PRICKLE2: variants seen among roughly 807,000 people sequenced by gnomAD.
PRICKLE2 encodes the protein prickle-like protein 2.
A neutral mutation model predicts 81.4 loss-of-function variants in PRICKLE2; 21 were observed. That is an observed-to-expected ratio of 0.26 (90% CI 0.18 to 0.37). The LOEUF is 0.37. Among genes scored for constraint, PRICKLE2 ranks in the 10% least tolerant of loss-of-function variants. The pLI, the probability that PRICKLE2 is intolerant of heterozygous loss-of-function variation, is 1.00. For missense variants in PRICKLE2, 940 were observed against 1,109.0 expected (o/e 0.85, Z 2.16); for synonymous variants, 456 against 421.5 (o/e 1.08, Z -1.00).
chr3:64,245,688 A>G (rs552729302), intron 2 of PRICKLE2, among the ~76,000 whole-genome samples: 17 of 152,226 alleles, frequency 1.1e-4, no homozygotes, highest in African/African-American at 3.9e-4. Flanking sequence ...TTTTGTACCA[A>G]TGGATGATTC....
At chr3:64,108,669 G>C (rs1031579404) in intron 7 of PRICKLE2, among the ~76,000 whole-genome samples, 2 of 152,130 alleles carry the variant, frequency 1.3e-5, no homozygotes, top group Non-Finnish European at 1.5e-5. Flanking sequence ...ATCCACATTT[G>C]AACGAGATCC....
chr3:64,239,527 G>A (rs563538182), intron 2 of PRICKLE2, among the ~76,000 whole-genome samples: 158 of 152,232 alleles, frequency 1.0e-3, no homozygotes, highest in African/African-American at 2.9e-3. Context: ...CAGACATTCC[G>A]AAGGCCTGTA....
intron 2 of PRICKLE2, among the ~76,000 whole-genome samples, chr3:64,192,641 G>A (rs1391780515): frequency 6.6e-6 from 1 of 152,098 alleles, no homozygotes; most frequent in South Asian, 2.1e-4. Flanking sequence ...CCCTGTCTCT[G>A]GGTAGTACTG....
At chr3:64,186,525 A>C (rs2078235948) in intron 2 of PRICKLE2, among the ~76,000 whole-genome samples, 1 of 152,208 alleles carries the variant, frequency 6.6e-6, no homozygotes, top group Non-Finnish European at 1.5e-5. Flanking sequence ...CTTCCATGAG[A>C]CACTTTCTAC....
chr3:64,249,005 A>G (rs2079401777), intron 2 of PRICKLE2, among the ~76,000 whole-genome samples: 2 of 152,198 alleles, frequency 1.3e-5, no homozygotes, highest in South Asian at 4.1e-4. Context: ...TAAAACTCTG[A>G]CAATCTTTTC....
In PRICKLE2 at chr3:64,098,110, A is replaced by C. The variant is rs1316771050; in HGVS notation, c.*941T>G. ...AGAACATAATGCCACATTCAAAACAACGTCATGCTGACATCACACAATGGC... is the reference window on the plus strand; with the variant it reads ...AGAACATAATGCCACATTCAAAACACCGTCATGCTGACATCACACAATGGC... On this transcript the variant is annotated 3_prime_UTR_variant, in exon 8 of 8. Transcript: ENST00000638394. 6.5e-6 allele frequency: 1 copy of C among 152,672 alleles called. No individual in the cohort carries two copies. The highest frequency in any genetic ancestry group is 2.4e-5 in the African/African-American group (1 of 41,446). The allele number at this position is 152,672 out of a possible 1,614,324, so 9.5% of individuals were successfully genotyped here. A position where few individuals can be genotyped will look rare whatever the true frequency, so the allele number is the denominator to read the frequency against.
chr3:64,199,327 T>C (rs1324889366), intron 1 of PRICKLE2: 1 of 366,748 alleles, frequency 2.7e-6, no homozygotes, highest in Non-Finnish European at 5.0e-6. Context: ...TTGACTGCAA[T>C]AGCAATTAAA....
rs541742157 is a variant in PRICKLE2 at position 64,214,768 on chromosome 3, G to A, written c.-41+10142C>T. 1.3e-5 allele frequency among the ~76,000 whole-genome samples: 2 copies of A among 152,246 alleles called. 1 individual carries two copies. Among genetic ancestry groups the A allele is most frequent in the East Asian group, 3.9e-4 (2 of 5,180 alleles). ...TTTGACAAGGTGCTGGTTGAAGGAT[G>A]TACCCCTCCTCCATCCCAGCCCCCG... On this transcript the variant is annotated intron_variant, in intron 1 of 7. Transcript: ENST00000638394.
At chr3:64,257,784 T>C (rs1032620592) in intron 2 of PRICKLE2, among the ~76,000 whole-genome samples, 2 of 152,162 alleles carry the variant, frequency 1.3e-5, no homozygotes, top group Admixed American at 6.5e-5. Context: ...GGTTTGAATG[T>C]TTGTGTCCTT....
At chr3:64,241,313 G>A (rs2079261963) in intron 2 of PRICKLE2, among the ~76,000 whole-genome samples, 1 of 152,122 alleles carries the variant, frequency 6.6e-6, no homozygotes. Flanking sequence ...CTCTTTTAGT[G>A]GGGACACATT....
In PRICKLE2 at chr3:64,153,103, C is replaced by T; in HGVS notation, c.787+79G>A. The T allele has an allele frequency of 4.5e-6, 6 of 1,341,958 alleles. No individual in the cohort carries two copies. The South Asian group carries it at 7.0e-5, about 16-fold the overall frequency. 83.1% of individuals were successfully genotyped at this position (1,341,958 alleles called of 1,614,324 possible). On this transcript the variant is annotated intron_variant, in intron 6 of 7. Coordinates refer to ENST00000638394, the MANE Select transcript of PRICKLE2 (RefSeq NM_198859.4). ...GAGTTGGGTTTCTAACACTTGCAATCAAAGATACTTTAACTACACCCAAAA... is the reference window on the plus strand; with the variant it reads ...GAGTTGGGTTTCTAACACTTGCAATTAAAGATACTTTAACTACACCCAAAA...
chr3:64,246,904 A>G (rs779744706), intron 2 of PRICKLE2, among the ~76,000 whole-genome samples: 29 of 152,184 alleles, frequency 1.9e-4, no homozygotes, highest in Admixed American at 6.5e-4. Flanking sequence ...TAATACACTG[A>G]GGAATCCCAG....
At chr3:64,168,731 C>T (rs1244402908) in intron 2 of PRICKLE2, among the ~76,000 whole-genome samples, 1 of 152,176 alleles carries the variant, frequency 6.6e-6, no homozygotes, top group East Asian at 1.9e-4. Context: ...AAGAGACTGG[C>T]AGATGGATGG....
At chr3:64,108,229 C>T (rs561486475) in intron 7 of PRICKLE2, among the ~76,000 whole-genome samples, 8 of 152,290 alleles carry the variant, frequency 5.3e-5, no homozygotes, top group East Asian at 3.9e-4. Context: ...TAGCATGCTG[C>T]GGCAAGCCTG....
rs779323224 is a variant in PRICKLE2, at chr3:64,147,487, G to A, written c.1003C>T (p.Arg335Trp). 7 of 1,614,210 alleles carry A rather than the reference G, an allele frequency of 4.3e-6. No homozygotes were observed. Among genetic ancestry groups the A allele is most frequent in the Non-Finnish European group, 5.9e-6 (7 of 1,180,046 alleles). Reference sequence around the variant, plus strand: ...TTCTTGCCAATTTTGGCACTGCGCCGGGACTCCTTGGCCCTGGCGTTCTGG... The same window carrying A: ...TTCTTGCCAATTTTGGCACTGCGCCAGGACTCCTTGGCCCTGGCGTTCTGG... ...AFQNARAKES[R>W]RSAKIGKNKG... Residue 335 changes from arginine to tryptophan, a missense_variant, in exon 7 of 8, where the codon CGG becomes TGG. Arg to Trp is a moderately radical substitution (Grantham distance 101). Transcript: ENST00000638394. The surrounding 1 kb of genome is among the most constrained non-coding windows in gnomAD (Gnocchi z 5.0).
intron 3 of PRICKLE2, among the ~76,000 whole-genome samples, chr3:64,161,424 C>T (rs2077732141): frequency 6.6e-6 from 1 of 152,158 alleles, no homozygotes; most frequent in South Asian, 2.1e-4. Flanking sequence ...CTAGGACTGT[C>T]ACATCCTAAT....
chr3:64,191,557 C>A (rs1016433867), intron 2 of PRICKLE2, among the ~76,000 whole-genome samples: 1 of 152,156 alleles, frequency 6.6e-6, no homozygotes, highest in Non-Finnish European at 1.5e-5. Context: ...CTTTACTCAC[C>A]CTACGGTGAA....
At chr3:64,260,031 A>G (rs962594318) in intron 2 of PRICKLE2, among the ~76,000 whole-genome samples, 3 of 152,192 alleles carry the variant, frequency 2.0e-5, no homozygotes, top group African/African-American at 7.2e-5. Flanking sequence ...GTGTCCTTGA[A>G]AAACACGCCA....
At chr3:64,116,711 AC>A (rs2076940153) in intron 7 of PRICKLE2, among the ~76,000 whole-genome samples, 1 of 152,212 alleles carries the variant, frequency 6.6e-6, no homozygotes, top group South Asian at 2.1e-4. Context: ...TAAATAGCCT[AC>A]CAACCAAAAA....
Sources: gnomAD v4.1 joint callset for allele counts (sites outside exome capture counted in the v4.1 genomes callset) on GRCh38, gnomAD v4.1.1 for gene constraint, Gnocchi (gnomAD v3.1) non-coding constraint, MANE v1.5 for transcripts, NCBI Gene and HGNC (gene_info 2026-07-23, HGNC 2026-07-21) for gene names.